RBM4: variants seen among roughly 807,000 people sequenced by gnomAD.
The protein encoded by RBM4 is RNA binding motif protein 4, also known as RNA-binding protein 4.
In RBM4, 7 loss-of-function variants were observed where a neutral mutation model predicts 29.5. That is an observed-to-expected ratio of 0.24 (90% CI 0.14 to 0.45). RBM4 has a LOEUF of 0.45. Ranked by LOEUF, RBM4 falls within the 20% of genes least tolerant of loss-of-function variation. The pLI is 1.00. For synonymous variants in RBM4, 220 were observed against 205.4 expected, an observed-to-expected ratio of 1.07 and a Z score of -0.61; for missense variants, 387 against 502.3, an observed-to-expected ratio of 0.77 and a Z score of 2.19.
At chr11:66,656,473 C>T (rs1286526793) in intron 2 of RBM4, among the ~76,000 whole-genome samples, 1 of 151,990 alleles carries the variant, frequency 6.6e-6, no homozygotes, top group Non-Finnish European at 1.5e-5. Flanking sequence ...GACGGGGATT[C>T]TCCATGTCAG....
intron 2 of RBM4, among the ~76,000 whole-genome samples, chr11:66,654,910 C>T (rs752218913): frequency 6.0e-5 from 9 of 151,086 alleles, no homozygotes; most frequent in African/African-American, 9.7e-5. Context: ...CTACAACGTC[C>T]GCCTCCCAGG....
At chr11:66,665,796 G>A (rs1819979283) in intron 2 of RBM4, 12 of 1,425,200 alleles carry the variant, frequency 8.4e-6, no homozygotes, top group Non-Finnish European at 1.1e-5. Context: ...TATAGGACAA[G>A]ATGCAATCTA....
intron 3 of RBM4, among the ~76,000 whole-genome samples, chr11:66,645,555 G>A (rs1034413875): frequency 1.3e-5 from 2 of 152,088 alleles, no homozygotes; most frequent in African/African-American, 4.8e-5. Flanking sequence ...CTTAAAACTT[G>A]TGCAGTTGAT....
intron 2 of RBM4, among the ~76,000 whole-genome samples, chr11:66,656,144 A>T (rs1327091069): frequency 7.3e-6 from 1 of 136,894 alleles, no homozygotes; most frequent in African/African-American, 2.7e-5. Context: ...CTAATTTTGT[A>T]TTTTTTTTTT....
Position 66,646,056 on chromosome 11 carries a change from C to T in RBM4, c.*38C>T. ...GATGTGTGTGGGCTGAAATTCCGAG[C>T]TGCGGTTGTGCATGAGAATACACCC... On this transcript the variant is annotated 3_prime_UTR_variant, in exon 4 of 4. Coordinates refer to ENST00000310092, the MANE Select transcript of RBM4 (RefSeq NM_002896.4). 1 of 1,536,116 alleles carries T rather than the reference C, an allele frequency of 6.5e-7. No individual in the cohort carries two copies. The highest frequency in any genetic ancestry group is 8.7e-7 in the Non-Finnish European group (1 of 1,146,914).
intron 2 of RBM4, among the ~76,000 whole-genome samples, chr11:66,654,948 C>G (rs1938914520): frequency 6.6e-6 from 1 of 152,034 alleles, no homozygotes; most frequent in Admixed American, 6.6e-5. Context: ...CCTCAGCCTC[C>G]TGAGTAGCTA....
intron 2 of RBM4, among the ~76,000 whole-genome samples, chr11:66,662,573 T>C (rs1406583688): frequency 6.6e-6 from 1 of 152,086 alleles, no homozygotes; most frequent in East Asian, 1.9e-4. Flanking sequence ...GGCTAATTTT[T>C]TGTATTTTTA....
chr11:66,659,036 A>AT (rs1215583264), intron 2 of RBM4, among the ~76,000 whole-genome samples: 47 of 147,982 alleles, frequency 3.2e-4, no homozygotes, highest in Admixed American at 3.4e-4. Context: ...ATACATTAAA[A>AT]TTTTTTTTTT....
At chr11:66,666,335 C>T in exon 3 of RBM4, 4 of 1,016,154 alleles carry the variant, frequency 3.9e-6, no homozygotes, top group Non-Finnish European at 4.7e-6. Context: ...TGCCAATCGA[C>T]TTCAAAAGTT....
chr11:66,651,417 G>A (rs1189001), downstream of RBM4, among the ~76,000 whole-genome samples: 2 of 150,852 alleles, frequency 1.3e-5, no homozygotes, highest in Admixed American at 6.6e-5. Flanking sequence ...GCACTATCTC[G>A]GCTCACTGCA....
Position 66,646,053 on chromosome 11 carries a change from G to A in RBM4, c.*35G>A, listed in dbSNP as rs1309705755. On this transcript the variant is annotated 3_prime_UTR_variant, in exon 4 of 4. Transcript: ENST00000310092. ...TGGGATGTGTGTGGGCTGAAATTCC[G>A]AGCTGCGGTTGTGCATGAGAATACA... 18 of 1,535,970 alleles carry A rather than the reference G, an allele frequency of 1.2e-5. No homozygotes were observed. The highest frequency in any genetic ancestry group is 9.8e-5 in the Admixed American group (5 of 50,980).
chr11:66,649,146 ACAGGCG>A (rs1356895865), downstream of RBM4, among the ~76,000 whole-genome samples: 2 of 152,090 alleles, frequency 1.3e-5, no homozygotes, highest in East Asian at 3.9e-4. Context: ...AGCTGGGATT[ACAGGCG>A]CCTGCCACCA....
At chr11:66,659,640 C>CT (rs1939036378) in intron 2 of RBM4, among the ~76,000 whole-genome samples, 2 of 152,118 alleles carry the variant, frequency 1.3e-5, no homozygotes, top group Admixed American at 1.3e-4. Flanking sequence ...ACTCCCCACT[C>CT]TAAAATCATT....
chr11:66,639,903 C>T lies in RBM4; in HGVS notation c.192C>T (p.Asn64=), dbSNP rs934877737. Residue 64 remains asparagine (N), a synonymous_variant, in exon 2 of 4, where the codon AAC becomes AAT. Transcript: ENST00000310092. ...NLHHYKLHGV[N]INVEASKNKS... is the part of the protein sequence containing the mutation. ...ACCATTACAAGCTTCATGGGGTGAA[C>T]ATCAACGTGGAAGCCAGCAAGAATA... The T allele has an allele frequency of 3.7e-6, 6 of 1,614,146 alleles. No individual in the cohort carries two copies. The highest frequency in any genetic ancestry group is 5.1e-6 in the Non-Finnish European group (6 of 1,180,036).
chr11:66,644,793 C>T, intron 3 of RBM4: 1 of 785,640 alleles, frequency 1.3e-6, no homozygotes, highest in Non-Finnish European at 1.5e-6. Flanking sequence ...TAAAGTTCCA[C>T]AAGGAAGTCT....
At chr11:66,666,203 C>A (rs1331490818) in exon 3 of RBM4, 1 of 862,406 alleles carries the variant, frequency 1.2e-6, no homozygotes, top group Non-Finnish European at 1.6e-6. Context: ...TCCTAGAATT[C>A]TCTAATCCTT....
intron 2 of RBM4, among the ~76,000 whole-genome samples, chr11:66,662,341 A>G (rs899911849): frequency 5.3e-5 from 8 of 152,188 alleles, no homozygotes; most frequent in African/African-American, 1.9e-4. Flanking sequence ...GATGATATAG[A>G]ACTCTTTTGC....
intron 3 of RBM4, chr11:66,644,468 T>G (rs1220431888): frequency 4.1e-6 from 1 of 245,598 alleles, no homozygotes; most frequent in Non-Finnish European, 7.4e-6. Flanking sequence ...GACCCACACG[T>G]TCAGGCTCAG....
chr11:66,655,404 C>A (rs1000886489), intron 2 of RBM4, among the ~76,000 whole-genome samples: 3 of 152,012 alleles, frequency 2.0e-5, no homozygotes, highest in African/African-American at 7.2e-5. Context: ...GTCCTCCTAC[C>A]CCAGCCTCCC....
Sources: gnomAD v4.1 joint callset for allele counts (sites outside exome capture counted in the v4.1 genomes callset) on GRCh38, gnomAD v4.1.1 for gene constraint, MANE v1.5 for transcripts, NCBI Gene and HGNC (gene_info 2026-07-23, HGNC 2026-07-21) for gene names.